The following ZNF519 variants were observed in gnomAD, a reference collection of about 807,000 sequenced individuals.
ZNF519 encodes zinc finger protein 519, also known as similar to Zinc finger protein 85 (Zinc finger protein HPF4) (HTF1).
Under a neutral mutation model 7.4 loss-of-function variants are expected in ZNF519, and 7 were observed. That is an observed-to-expected ratio of 0.94 (90% CI 0.54 to 1.77). The LOEUF (loss-of-function observed/expected upper bound fraction) is 1.77. Ranked by LOEUF, ZNF519 falls within the 40% of genes most tolerant of loss-of-function variation. The pLI, the probability that ZNF519 is intolerant of heterozygous loss-of-function variation, is 0.00. For synonymous variants in ZNF519, 179 were observed against 203.3 expected, an observed-to-expected ratio of 0.88 and a Z score of 1.02; for missense variants, 586 against 623.1, an observed-to-expected ratio of 0.94 and a Z score of 0.63.
In ZNF519 at chr18:14,114,067, A is replaced by C. The variant is rs547920632; in HGVS notation, c.131-7658T>G. On this transcript the variant is annotated intron_variant, in intron 2 of 2. Transcript: ENST00000590202. Reference sequence around the variant, plus strand: ...TTTTTCTGATGGGCCATTTGCAAATATTTTCTTCCATTTGGTATGTTGTCT... The same window carrying C: ...TTTTTCTGATGGGCCATTTGCAAATCTTTTCTTCCATTTGGTATGTTGTCT... Among the ~76,000 whole-genome samples the C allele has an allele frequency of 2.6e-5, 4 of 151,948 alleles. 1 individual carries two copies. Among genetic ancestry groups the C allele is most frequent in the African/African-American group, 9.7e-5 (4 of 41,450 alleles).
In ZNF519 at chr18:14,105,622, G is replaced by A; in HGVS notation, c.918C>T (p.His306=). 1.9e-6 allele frequency: 3 copies of A among 1,613,678 alleles called. No individual in the cohort carries two copies. Among genetic ancestry groups the A allele is most frequent in the Non-Finnish European group, 1.7e-6 (2 of 1,179,908 alleles). Residue 306 remains histidine, a synonymous_variant, in exon 3 of 3, where the codon CAC becomes CAT. Coordinates refer to ENST00000590202, the MANE Select transcript of ZNF519 (RefSeq NM_145287.4). The part of the protein sequence containing the change: ...KCDKAFNKSS[H]LAQHQRIHTG... The stretch of plus-strand genomic sequence containing the variant: ...TATGGATTCTCTGATGTTGAGCAAG[G>A]TGTGAACTCTTGTTAAAGGCTTTGT...
intron 2 of ZNF519, among the ~76,000 whole-genome samples, chr18:14,117,005 C>T (rs2046249293): frequency 6.6e-6 from 1 of 152,048 alleles, no homozygotes; most frequent in South Asian, 2.1e-4. Flanking sequence ...GAGCAAAACT[C>T]CATCTCAAAA....
At chr18:14,088,680 A>G (rs2046101526) in intron 2 of ZNF519, among the ~76,000 whole-genome samples, 2 of 152,176 alleles carry the variant, frequency 1.3e-5, no homozygotes, top group Non-Finnish European at 2.9e-5. Flanking sequence ...AAATATACTT[A>G]TAACTGCTTA....
intron 2 of ZNF519, among the ~76,000 whole-genome samples, chr18:14,092,173 C>A (rs924419161): frequency 6.6e-6 from 1 of 152,036 alleles, no homozygotes; most frequent in Non-Finnish European, 1.5e-5. Context: ...AGTCCAGGAC[C>A]TGTGCTGGAG....
chr18:14,127,933 C>T (rs2046308842), intron 1 of ZNF519, among the ~76,000 whole-genome samples: 1 of 151,512 alleles, frequency 6.6e-6, no homozygotes, highest in Non-Finnish European at 1.5e-5. Context: ...TTGTGTATAA[C>T]ATCTAGTAAT....
intron 3 of ZNF519, among the ~76,000 whole-genome samples, chr18:14,080,001 T>C (rs1029454077): frequency 2.6e-5 from 4 of 151,786 alleles, no homozygotes; most frequent in African/African-American, 9.7e-5. Context: ...TTATAAAACA[T>C]GTATCTCGTA....
At chr18:14,108,622 A>G (rs2046205905) in intron 2 of ZNF519, among the ~76,000 whole-genome samples, 1 of 152,194 alleles carries the variant, frequency 6.6e-6, no homozygotes, top group African/African-American at 2.4e-5. Flanking sequence ...GATAAAAAAA[A>G]AAAAGACTGA....
intron 2 of ZNF519, among the ~76,000 whole-genome samples, chr18:14,091,785 T>TA (rs961910901): frequency 6.6e-6 from 1 of 151,778 alleles, no homozygotes; most frequent in African/African-American, 2.4e-5. Context: ...AAGAGGTCAG[T>TA]AAAAAATATT....
At chr18:14,120,247 A>G (rs2046264141) in intron 2 of ZNF519, among the ~76,000 whole-genome samples, 2 of 152,304 alleles carry the variant, frequency 1.3e-5, no homozygotes, top group Middle Eastern at 3.4e-3. Flanking sequence ...CAATCCATGC[A>G]TACAAGGTCA....
chr18:14,088,677 C>T (rs892602383), intron 2 of ZNF519, among the ~76,000 whole-genome samples: 3 of 151,250 alleles, frequency 2.0e-5, no homozygotes, highest in East Asian at 1.9e-4. Context: ...GACAAATATA[C>T]TTATAACTGC....
In ZNF519 at chr18:14,106,121, A is replaced by C. The variant is rs1445387400; in HGVS notation, c.419T>G (p.Ile140Ser). 6.2e-7 allele frequency: 1 copy of C among 1,610,708 alleles called. No homozygotes were observed. The highest frequency in any genetic ancestry group is 1.3e-5 in the African/African-American group (1 of 74,720). The part of the protein sequence containing the change: ...FLSAAPTEPC[I>S]PMNKYQHKFL... ...TTTATGTTGATATTTATTCATAGGA[A>C]TACATGGTTCTGTAGGAGCAGCTGA... The change falls in exon 3 of 3, where the codon ATT becomes AGT. Residue 140 changes from isoleucine to serine, a missense_variant. Transcript: ENST00000590202.
At chr18:14,127,051 T>A (rs2046302709) in intron 1 of ZNF519, among the ~76,000 whole-genome samples, 1 of 152,168 alleles carries the variant, frequency 6.6e-6, no homozygotes, top group Non-Finnish European at 1.5e-5. Flanking sequence ...CCTGTCCAGC[T>A]AAGTCTGAGG....
At chr18:14,127,354 C>G (rs1260269643) in intron 1 of ZNF519, among the ~76,000 whole-genome samples, 1 of 152,144 alleles carries the variant, frequency 6.6e-6, no homozygotes, top group Non-Finnish European at 1.5e-5. Context: ...AACCCAAAGT[C>G]TGGCCCTGTC....
Position 14,106,201 on chromosome 18 carries a change from T to A in ZNF519, c.339A>T (p.Leu113Phe). 3 of 1,613,138 alleles carry A rather than the reference T, an allele frequency of 1.9e-6. No homozygotes were observed. Among genetic ancestry groups the A allele is most frequent in the Non-Finnish European group, 2.5e-6 (3 of 1,179,786 alleles). ...TATATTCTTTGTCTCCTTTCACAGT[T>A]AAATGTTTGTTATGACTAGTTGTCA... The part of the protein sequence containing the change: ...QYLTTSHNKH[L>F]TVKGDKEYRI... The change falls in exon 3 of 3, where the codon TTA becomes TTT. Residue 113 changes from leucine (L) to phenylalanine (F), a missense_variant. Transcript: ENST00000590202.
chr18:14,126,478 A>T (rs1302656223), intron 1 of ZNF519, among the ~76,000 whole-genome samples: 1 of 152,174 alleles, frequency 6.6e-6, no homozygotes. Context: ...TCAAAACTCA[A>T]AACAAGGGAT....
downstream of ZNF519, chr18:14,074,672 C>G (rs1293594765): frequency 6.6e-6 from 1 of 152,320 alleles, no homozygotes; most frequent in Non-Finnish European, 1.5e-5. Flanking sequence ...TTCCTCATCT[C>G]CATCTGAGAC....
At chr18:14,107,006 A>AT (rs2046196714) in intron 2 of ZNF519, among the ~76,000 whole-genome samples, 1 of 150,836 alleles carries the variant, frequency 6.6e-6, no homozygotes, top group South Asian at 2.1e-4. Flanking sequence ...GCCCTAAAAA[A>AT]CTTGAAAGGC....
intron 2 of ZNF519, among the ~76,000 whole-genome samples, chr18:14,093,287 C>T (rs2046121681): frequency 6.6e-6 from 1 of 152,154 alleles, no homozygotes; most frequent in Admixed American, 6.5e-5. Flanking sequence ...CCACTCATCC[C>T]CCTCCATCCT....
Position 14,106,335 on chromosome 18 carries a change from CCA to C in ZNF519, c.203_204del (p.Leu68ArgfsTer9). 1 of 1,612,598 alleles carries C rather than the reference CCA, an allele frequency of 6.2e-7. No homozygotes were observed. The highest frequency in any genetic ancestry group is 8.5e-7 in the Non-Finnish European group (1 of 1,179,684). On this transcript the variant is annotated frameshift_variant, in exon 3 of 3. Coordinates refer to ENST00000590202, the MANE Select transcript of ZNF519 (RefSeq NM_145287.4). LOFTEE classifies it low-confidence loss of function (END_TRUNC). ...GIQDSFKKAT[L>X]GRYGSCGLEN... is the part of the protein sequence containing the mutation. ...TCAAGGCCACAGCTCCCATATCTTC[CCA>C]GTGTTGCTTTTTTGAATGAATCTTG...
Sources: allele counts gnomAD v4.1 joint callset (sites outside exome capture counted in the v4.1 genomes callset), GRCh38; gene constraint gnomAD v4.1.1; transcripts MANE v1.5; gene names NCBI Gene and HGNC (gene_info 2026-07-23, HGNC 2026-07-21).